B9D2: variants seen among roughly 807,000 people sequenced by gnomAD.
B9D2 encodes the protein B9 domain containing 2.
B9D2 carries 21 observed loss-of-function variants against 19.2 expected under a neutral mutation model. That is an observed-to-expected ratio of 1.09 (90% CI 0.78 to 1.58). The LOEUF is 1.58. Among genes scored for constraint, B9D2 ranks in the 40% most tolerant of loss-of-function variants. The pLI is 0.00. For missense variants in B9D2, 221 were observed against 244.3 expected (o/e 0.90, Z 0.64); for synonymous variants, 91 against 100.6 (o/e 0.90, Z 0.57).
Position 41,363,470 on chromosome 19 carries a change from G to T in B9D2, c.50C>A (p.Ser17Ter). The T allele has an allele frequency of 1.2e-6, 2 of 1,614,172 alleles. No homozygotes were observed. The highest frequency in any genetic ancestry group is 1.7e-6 in the Non-Finnish European group (2 of 1,180,034). ...IGQIIGASGFSESSLFCKWGI... is the reference protein window; with the variant it reads ...IGQIIGASGF ...CCACTTGCAGAAGAGGCTACTTTCC[G>T]AGAAACCGCTGGCCCCTATGATCTG... is the stretch of plus-strand genomic sequence containing the variant. The change falls in exon 2 of 4, where the codon TCG becomes TAG. Residue 17 changes from serine to a stop codon, truncating the protein, a stop_gained. Coordinates refer to ENST00000243578, the MANE Select transcript of B9D2 (RefSeq NM_030578.4). LOFTEE classifies it high-confidence loss of function.
At chr19:41,355,116 T>C in intron 3 of B9D2, 103 bp from the exon 4 acceptor site, 1 of 1,221,758 alleles carries the variant, frequency 8.2e-7, no homozygotes. Context: ...GCCCAGTCTT[T>C]TCCTCTCTGG....
At position 41,363,971 on chromosome 19, in the gene B9D2, A is replaced by G. The variant is rs189994185; in HGVS notation, c.-18T>C. 79 of 274,674 alleles carry G rather than the reference A, an allele frequency of 2.9e-4. No homozygotes were observed. Among genetic ancestry groups the G allele is most frequent in the African/African-American group, 1.6e-3 (74 of 45,046 alleles). 17.0% of individuals were successfully genotyped at this position (274,674 alleles called of 1,614,324 possible). A position where few individuals can be genotyped will look rare whatever the true frequency, so the allele number is the denominator to read the frequency against. ...CGTCATTCCTACCTTAGCGCACTTA[A>G]CGGTTAGGAGAGGAGAAAGCGGCAA... is the stretch of plus-strand genomic sequence containing the variant. On this transcript the variant is annotated 5_prime_UTR_variant, in exon 1 of 4. Coordinates refer to ENST00000243578, the MANE Select transcript of B9D2 (RefSeq NM_030578.4).
rs542395920 is a variant in B9D2 at position 41,354,664 on chromosome 19, G to C, written c.*36C>G. 1.9e-6 allele frequency: 3 copies of C among 1,612,828 alleles called. No individual in the cohort carries two copies. The highest frequency in any genetic ancestry group is 1.7e-5 in the Admixed American group (1 of 59,992). ...ATCCTCCCCCATCACTGGGTGTCCG[G>C]GGTGTGGATGGTGGTGACGTTGGAG... On this transcript the variant is annotated 3_prime_UTR_variant, in exon 4 of 4. Transcript: ENST00000243578.
Position 41,354,583 on chromosome 19 carries a change from CT to C in B9D2, c.*116del. 1.4e-6 allele frequency: 2 copies of C among 1,382,838 alleles called. No homozygotes were observed. The allele number at this position is 1,382,838 out of a possible 1,614,324, so 85.7% of individuals were successfully genotyped here. ...AGAAAGGACAGAAGCGGTGCCATGCCTTAGCTGGGGTCAGCTCTGACAGTCT... is the reference window on the plus strand; with the variant it reads ...AGAAAGGACAGAAGCGGTGCCATGCCTAGCTGGGGTCAGCTCTGACAGTCT... On this transcript the variant is annotated 3_prime_UTR_variant, in exon 4 of 4. Transcript: ENST00000243578.
chr19:41,363,875 A>G (rs932430783), intron 1 of B9D2, 83 bp downstream of exon 1: 5 of 505,512 alleles, frequency 9.9e-6, no homozygotes, highest in African/African-American at 5.9e-5. Flanking sequence ...TCCCTCCCCC[A>G]GCAAGCTCCA....
rs770180138 is a variant in B9D2, at chr19:41,354,719, C to T, written c.509G>A (p.Arg170His). 33 of 1,613,910 alleles carry T rather than the reference C, an allele frequency of 2.0e-5. No homozygotes were observed. Among genetic ancestry groups the T allele is most frequent in the South Asian group, 4.4e-5 (4 of 91,092 alleles). ...EIGLLLRNFDRYGVEC is the reference protein window; with the variant it reads ...EIGLLLRNFDHYGVEC ...AGTCCCTCAGCACTCCACGCCGTAG[C>T]GGTCGAAGTTGCGGAGCAGCAGGCC... Residue 170 changes from arginine (R) to histidine (H), a missense_variant, in exon 4 of 4, where the codon CGC becomes CAC. Arg to His is a conservative substitution (Grantham distance 29, BLOSUM62 0). Coordinates refer to ENST00000243578, the MANE Select transcript of B9D2 (RefSeq NM_030578.4).
intron 3 of B9D2, 150 bp downstream of exon 3, chr19:41,357,747 C>T (rs1275500015): frequency 8.3e-7 from 1 of 1,205,932 alleles, no homozygotes; most frequent in Non-Finnish European, 1.2e-6. Flanking sequence ...AAGGCCTTAG[C>T]TCAGCCTCTC....
intron 2 of B9D2, among the ~76,000 whole-genome samples, chr19:41,358,656 A>C (rs2038354401): frequency 6.6e-6 from 1 of 152,182 alleles, no homozygotes; most frequent in Admixed American, 6.6e-5. Context: ...CCAGGAGCGC[A>C]TCCTGAAACA....
Position 41,363,418 on chromosome 19 carries a change from G to A in B9D2, c.88+14C>T. On this transcript the variant is annotated intron_variant, in intron 2 of 3. Transcript: ENST00000243578. Reference sequence around the variant, plus strand: ...GGGTCTTGGTGTGGAAATGAACCAGGCTTGGGGGAATACCTGTGTGAATGC... The same window carrying A: ...GGGTCTTGGTGTGGAAATGAACCAGACTTGGGGGAATACCTGTGTGAATGC... 11 of 1,613,612 alleles carry A rather than the reference G, an allele frequency of 6.8e-6. No homozygotes were observed. Among genetic ancestry groups the A allele is most frequent in the Non-Finnish European group, 9.3e-6 (11 of 1,179,574 alleles).
In B9D2 at chr19:41,354,424, G is replaced by A; in HGVS notation, c.*276C>T. 3.3e-6 allele frequency: 2 copies of A among 601,016 alleles called. No homozygotes were observed. The highest frequency in any genetic ancestry group is 4.5e-4 in the Middle Eastern group (1 of 2,246). 37.2% of individuals were successfully genotyped at this position (601,016 alleles called of 1,614,324 possible). On this transcript the variant is annotated 3_prime_UTR_variant, in exon 4 of 4. Transcript: ENST00000243578. The stretch of plus-strand genomic sequence containing the variant: ...AGGGTCAGGAGGCAGACACCTGTAA[G>A]AATTGCTCTCCTTTACTGAGCACCT...
chr19:41,363,599 C>T (rs1401703704), intron 1 of B9D2, 76 bp from the exon 2 acceptor site: 7 of 1,344,118 alleles, frequency 5.2e-6, no homozygotes, highest in Admixed American at 1.9e-5. Flanking sequence ...GAAACTGAGG[C>T]CCAGCAAGTA....
intron 3 of B9D2, 43 bp downstream of exon 3, chr19:41,357,854 C>A: frequency 6.2e-7 from 1 of 1,612,146 alleles, no homozygotes; most frequent in Non-Finnish European, 8.5e-7. Flanking sequence ...GGCTACTGGC[C>A]CCCTCCCCTC....
In B9D2 at chr19:41,354,588, C is replaced by G. The variant is rs538246709; in HGVS notation, c.*112G>C. The G allele has an allele frequency of 1.4e-6, 2 of 1,410,186 alleles. No homozygotes were observed. Among genetic ancestry groups the G allele is most frequent in the Admixed American group, 3.7e-5 (2 of 54,370 alleles). The allele number at this position is 1,410,186 out of a possible 1,614,324, so 87.4% of individuals were successfully genotyped here. A position where few individuals can be genotyped will look rare whatever the true frequency, so the allele number is the denominator to read the frequency against. On this transcript the variant is annotated 3_prime_UTR_variant, in exon 4 of 4. Transcript: ENST00000243578. ...GGACAGAAGCGGTGCCATGCCTTAG[C>G]TGGGGTCAGCTCTGACAGTCTCTAG...
rs2038340521 is a variant in B9D2 at position 41,357,891 on chromosome 19, A to G, written c.214+6T>C. 6.2e-7 allele frequency: 1 copy of G among 1,613,922 alleles called. No homozygotes were observed. The highest frequency in any genetic ancestry group is 8.5e-7 in the Non-Finnish European group (1 of 1,179,980). ...GCCTGGACCCGGGTCCAGGTGTGAT[A>G]CCCACCTTGAAGACCTTTGGTGGCG... On this transcript the variant is annotated splice_donor_region_variant and intron_variant, in intron 3 of 3. Transcript: ENST00000243578.
Position 41,354,961 on chromosome 19 carries a change from G to A in B9D2, c.267C>T (p.Cys89=), listed in dbSNP as rs1419292105. 1 of 1,611,614 alleles carries A rather than the reference G, an allele frequency of 6.2e-7. No homozygotes were observed. Among genetic ancestry groups the A allele is most frequent in the South Asian group, 1.1e-5 (1 of 90,860 alleles). ...QVWSQDSFGR[C]QLAGYGFCHV... ...GGCAAAATCCATAGCCTGCAAGCTG[G>A]CAGCGGCCAAAGCTGTCCTGGGACC... The change falls in exon 4 of 4, where the codon TGC becomes TGT. Residue 89 remains cysteine (C), a synonymous_variant. Coordinates refer to ENST00000243578, the MANE Select transcript of B9D2 (RefSeq NM_030578.4).
At chr19:41,361,675 C>G (rs1424369774) in intron 2 of B9D2, among the ~76,000 whole-genome samples, 1 of 105,970 alleles carries the variant, frequency 9.4e-6, no homozygotes, top group Non-Finnish European at 2.0e-5. Context: ...GTAGTCCCAG[C>G]CACTCGGGAG....
intron 2 of B9D2, chr19:41,361,199 A>G (rs2038397901): frequency 6.6e-6 from 1 of 152,072 alleles, no homozygotes; most frequent in African/African-American, 2.4e-5. Context: ...ATCCCCAGCA[A>G]CTCCCTGAAA....
intron 3 of B9D2, among the ~76,000 whole-genome samples, chr19:41,357,216 A>T (rs1171118212): frequency 6.6e-6 from 1 of 152,030 alleles, no homozygotes; most frequent in African/African-American, 2.4e-5. Flanking sequence ...CACCTATCTT[A>T]GTCCTGCCCA....
At chr19:41,358,136 G>A (rs1034935796) in intron 2 of B9D2, 114 bp from the exon 3 acceptor site, 1 of 1,466,818 alleles carries the variant, frequency 6.8e-7, no homozygotes, top group Non-Finnish European at 9.3e-7. Flanking sequence ...TACGAAGCAT[G>A]GACTCTGGAA....
Sources: allele counts gnomAD v4.1 joint callset (sites outside exome capture counted in the v4.1 genomes callset), GRCh38; gene constraint gnomAD v4.1.1; transcripts MANE v1.5; gene names NCBI Gene and HGNC (gene_info 2026-07-23, HGNC 2026-07-21).